Variants in ADAMTS12 observed in about 807,000 individuals in gnomAD.
ADAMTS12 encodes the protein ADAM metallopeptidase with thrombospondin type 1 motif 12.
In ADAMTS12, 118 loss-of-function variants were observed where a neutral mutation model predicts 167.8. The ratio of observed to expected loss-of-function variants is 0.70; its 90% CI spans 0.61 to 0.82. The LOEUF (loss-of-function observed/expected upper bound fraction) is 0.82, where lower values mean the gene tolerates loss of function less well. ADAMTS12 is among the 40% of genes least tolerant of loss of function. The pLI, the probability that ADAMTS12 is intolerant of heterozygous loss-of-function variation, is 0.00. For missense variants in ADAMTS12, 1,916 were observed against 1,998.8 expected, an observed-to-expected ratio of 0.96 and a Z score of 0.79; for synonymous variants, 704 against 716.9, an observed-to-expected ratio of 0.98 and a Z score of 0.29.
intron 2 of ADAMTS12, among the ~76,000 whole-genome samples, chr5:33,784,950 A>C (rs1305515110): frequency 2.0e-5 from 3 of 152,144 alleles, no homozygotes; most frequent in Non-Finnish European, 4.4e-5. Context: ...AGTAATTAAT[A>C]GTGTGGTATT....
chr5:33,850,809 G>A (rs778259999), intron 2 of ADAMTS12, among the ~76,000 whole-genome samples: 1 of 152,086 alleles, frequency 6.6e-6, no homozygotes, highest in Non-Finnish European at 1.5e-5. Context: ...CTAAAGAGGC[G>A]AAGTCTTGTC....
At position 33,683,094 on chromosome 5, in the gene ADAMTS12, C is replaced by T. The variant is rs1306875157; in HGVS notation, c.839G>A (p.Gly280Glu). The stretch of plus-strand genomic sequence containing the variant: ...GCCAATGCTTGGGTTATGGAACAAC[C>T]CAGTGACCTAGGGTCAGAAATAGAA... The part of the protein sequence containing the change: ...YILTIMNMVT[G>E]LFHNPSIGNA... The change falls in exon 5 of 24, where the codon GGG becomes GAG. Residue 280 changes from glycine (G) to glutamate (E), a missense_variant. Coordinates refer to ENST00000504830, the MANE Select transcript of ADAMTS12 (RefSeq NM_030955.4). 3 of 1,612,352 alleles carry T rather than the reference C, an allele frequency of 1.9e-6. No homozygotes were observed. Among genetic ancestry groups the T allele is most frequent in the South Asian group, 2.2e-5 (2 of 90,738 alleles).
At chr5:33,791,476 T>A (rs910503265) in intron 2 of ADAMTS12, among the ~76,000 whole-genome samples, 2 of 152,182 alleles carry the variant, frequency 1.3e-5, no homozygotes, top group Admixed American at 1.3e-4. Flanking sequence ...AAAATTTTTT[T>A]TAACAAAAAC....
At chr5:33,559,816 G>A (rs1184832493) in intron 20 of ADAMTS12, among the ~76,000 whole-genome samples, 6 of 152,180 alleles carry the variant, frequency 3.9e-5, no homozygotes, top group African/African-American at 1.2e-4. Context: ...GGAGGCAGAG[G>A]TTGCAGTGGG....
At position 33,615,809 on chromosome 5, in the gene ADAMTS12, T is replaced by G. The variant is rs1409747601; in HGVS notation, c.2388+19A>C. On this transcript the variant is annotated intron_variant, in intron 15 of 23. Transcript: ENST00000504830. ...CTAACTAGCACACATGTCAGCAGTT[T>G]CCCTCCTTTCTGCATTACCTGGATC... The G allele has an allele frequency of 6.2e-7, 1 of 1,613,522 alleles. No individual in the cohort carries two copies. Among genetic ancestry groups the G allele is most frequent in the African/African-American group, 1.3e-5 (1 of 74,866 alleles).
At chr5:33,800,403 T>A (rs1362992075) in intron 2 of ADAMTS12, among the ~76,000 whole-genome samples, 1 of 151,700 alleles carries the variant, frequency 6.6e-6, no homozygotes, top group Non-Finnish European at 1.5e-5. Flanking sequence ...AGAAAAGGAG[T>A]CACTGCGGAT....
At chr5:33,688,349 G>C (rs924042823) in intron 3 of ADAMTS12, among the ~76,000 whole-genome samples, 1 of 113,764 alleles carries the variant, frequency 8.8e-6, no homozygotes, top group South Asian at 2.4e-4. Context: ...TGCTGAGAGA[G>C]GACAGTGAAA....
chr5:33,819,580 T>C (rs1747794617), intron 2 of ADAMTS12, among the ~76,000 whole-genome samples: 1 of 152,198 alleles, frequency 6.6e-6, no homozygotes, highest in Non-Finnish European at 1.5e-5. Context: ...TTTTGTTTTT[T>C]GCATGGTTCT....
Position 33,545,951 on chromosome 5 carries a change from G to A in ADAMTS12, c.4446+108C>T, listed in dbSNP as rs187713438. ...GGTGCAGCAAACCAACGTGGCACAT[G>A]TATACCTATGTAACAAACCTGCACG... On this transcript the variant is annotated intron_variant, in intron 22 of 23. Transcript: ENST00000504830. 807 of 1,365,514 alleles carry A rather than the reference G, an allele frequency of 5.9e-4. 3 individuals carry two copies. The African/African-American group carries it at 0.011, about 18-fold the overall frequency. The allele number at this position is 1,365,514 out of a possible 1,614,324, so 84.6% of individuals were successfully genotyped here. A position where few individuals can be genotyped will look rare whatever the true frequency, so the allele number is the denominator to read the frequency against.
At chr5:33,693,697 C>G (rs768436020) in intron 3 of ADAMTS12, among the ~76,000 whole-genome samples, 3 of 151,996 alleles carry the variant, frequency 2.0e-5, no homozygotes, top group African/African-American at 7.2e-5. Context: ...TATGATATAC[C>G]CACAGCTAAC....
At chr5:33,821,456 G>A (rs1747863293) in intron 2 of ADAMTS12, among the ~76,000 whole-genome samples, 1 of 152,022 alleles carries the variant, frequency 6.6e-6, no homozygotes, top group African/African-American at 2.4e-5. Context: ...AATCATCCCA[G>A]TCACTGATTT....
intron 2 of ADAMTS12, among the ~76,000 whole-genome samples, chr5:33,767,008 A>G (rs1052141127): frequency 3.3e-5 from 5 of 152,224 alleles, no homozygotes; most frequent in African/African-American, 1.2e-4. Flanking sequence ...CCACCACTGC[A>G]TTATTGATAA....
At position 33,602,459 on chromosome 5, in the gene ADAMTS12, G is replaced by A. The variant is rs547152622; in HGVS notation, c.2528-6399C>T. 1.9e-3 allele frequency among the ~76,000 whole-genome samples: 289 copies of A among 152,062 alleles called. 1 individual carries two copies. The highest frequency in any genetic ancestry group is 6.6e-3 in the African/African-American group (275 of 41,456). On this transcript the variant is annotated intron_variant, in intron 16 of 23. Transcript: ENST00000504830. ...AATTCCATTGAAATCATCTGAATTCGTCCTCCTATTATCTTTATGAAGTCC... is the reference window on the plus strand; with the variant it reads ...AATTCCATTGAAATCATCTGAATTCATCCTCCTATTATCTTTATGAAGTCC...
intron 19 of ADAMTS12, among the ~76,000 whole-genome samples, chr5:33,566,041 G>T (rs1255432504): frequency 6.6e-6 from 1 of 152,076 alleles, no homozygotes; most frequent in Non-Finnish European, 1.5e-5. Context: ...GAATATCTGG[G>T]TCATCATACA....
rs748174765 is a variant in ADAMTS12 at position 33,576,050 on chromosome 5, T to G, written c.3972+4A>C. The G allele has an allele frequency of 1.9e-6, 3 of 1,609,096 alleles. No homozygotes were observed. Among genetic ancestry groups the G allele is most frequent in the Non-Finnish European group, 2.5e-6 (3 of 1,177,048 alleles). On this transcript the variant is annotated splice_donor_region_variant and intron_variant, in intron 19 of 23. Coordinates refer to ENST00000504830, the MANE Select transcript of ADAMTS12 (RefSeq NM_030955.4). Reference sequence around the variant, plus strand: ...AACCAGGCCAGGGGTAGGAAATGTCTTACCTCGCTCCAGTTTCCGACGATC... The same window carrying G: ...AACCAGGCCAGGGGTAGGAAATGTCGTACCTCGCTCCAGTTTCCGACGATC...
chr5:33,576,399 C>G lies in ADAMTS12; in HGVS notation c.3627G>C (p.Trp1209Cys), dbSNP rs999618836. Reference sequence around the variant, plus strand: ...CCATTACTGTGCTGAAGGGTGGCCACCAGGACTCCCTGCTGAGATCTGGTG... The same window carrying G: ...CCATTACTGTGCTGAAGGGTGGCCAGCAGGACTCCCTGCTGAGATCTGGTG... ...PLTPDLSRES[W>C]WPPFSTVMEG... The change falls in exon 19 of 24, where the codon TGG becomes TGC. Residue 1209 changes from tryptophan to cysteine, a missense_variant. Coordinates refer to ENST00000504830, the MANE Select transcript of ADAMTS12 (RefSeq NM_030955.4). 3.1e-6 allele frequency: 5 copies of G among 1,613,868 alleles called. No homozygotes were observed. The highest frequency in any genetic ancestry group is 4.2e-6 in the Non-Finnish European group (5 of 1,179,924).
intron 9 of ADAMTS12, among the ~76,000 whole-genome samples, chr5:33,646,717 C>T (rs1408930001): frequency 6.6e-5 from 9 of 136,638 alleles, no homozygotes; most frequent in African/African-American, 1.3e-4. Flanking sequence ...AATCACAAAA[C>T]AAAATAACAC....
At chr5:33,586,216 T>G (rs1747344088) in intron 18 of ADAMTS12, among the ~76,000 whole-genome samples, 2 of 152,256 alleles carry the variant, frequency 1.3e-5, no homozygotes, top group South Asian at 4.1e-4. Flanking sequence ...TCACCTCTCT[T>G]TAAAAAAAGT....
At chr5:33,825,691 A>T (rs1240211823) in intron 2 of ADAMTS12, among the ~76,000 whole-genome samples, 3 of 152,184 alleles carry the variant, frequency 2.0e-5, no homozygotes, top group African/African-American at 7.2e-5. Context: ...TCCAGTGATA[A>T]TTCTAAAATG....
Sources: allele counts gnomAD v4.1 joint callset (sites outside exome capture counted in the v4.1 genomes callset), GRCh38; gene constraint gnomAD v4.1.1; transcripts MANE v1.5; gene names NCBI Gene and HGNC (gene_info 2026-07-23, HGNC 2026-07-21).